The following LMO3 variants were observed in gnomAD, a reference collection of about 807,000 sequenced individuals.
LMO3 encodes the protein LIM domain only 3.
A neutral mutation model predicts 15.8 loss-of-function variants in LMO3; 2 were observed. The observed-to-expected ratio is 0.13, with a 90% CI of 0.05 to 0.40. LMO3 has a LOEUF of 0.40. LMO3 is among the 10% of genes least tolerant of loss of function. The probability of loss-of-function intolerance (pLI) is 0.99; values close to 1 mark genes in which losing one functional copy is unlikely to be tolerated. For synonymous variants in LMO3, 62 were observed against 63.8 expected (o/e 0.97, Z 0.13); for missense variants, 86 against 182.2 (o/e 0.47, Z 3.04).
chr12:16,589,949 G>T lies in LMO3; in HGVS notation c.206+10706C>A, dbSNP rs1340386933. Among the ~76,000 whole-genome samples, 2 of 151,980 alleles carry T rather than the reference G, an allele frequency of 1.3e-5. No individual in the cohort carries two copies. The highest frequency in any genetic ancestry group is 4.8e-5 in the African/African-American group (2 of 41,380). ...GGAAGTATGTGTTGGATTTTTTTGT[G>T]CATGAAGTATAAATGCCACCGTTTT... On this transcript the variant is annotated intron_variant, in intron 2 of 3. Transcript: ENST00000537304. The surrounding 1 kb of genome is among the most constrained non-coding windows in gnomAD (Gnocchi z 4.2).
chr12:16,551,278 G>A lies in LMO3; in HGVS notation c.382C>T (p.Gln128Ter), dbSNP rs1941981164. 6.2e-7 allele frequency: 1 copy of A among 1,612,918 alleles called. No individual in the cohort carries two copies. Among genetic ancestry groups the A allele is most frequent in the Admixed American group, 1.7e-5 (1 of 59,982 alleles). Reference sequence around the variant, plus strand: ...ATTAAACCTTCCTCGTAGTCCGTCTGGCAAAGGATCATGTTATTCTTTAGG... The same window carrying A: ...ATTAAACCTTCCTCGTAGTCCGTCTAGCAAAGGATCATGTTATTCTTTAGG... ...FFLKNNMILC[Q>*]TDYEEGLMKE... The change falls in exon 4 of 4, where the codon CAG becomes TAG. Residue 128 changes from glutamine (Q) to a stop codon, truncating the protein, a stop_gained. Coordinates refer to ENST00000537304, the MANE Select transcript of LMO3 (RefSeq NM_018640.5). LOFTEE classifies it high-confidence loss of function.
At chr12:16,608,826 T>A (rs1258673090), upstream of LMO3, 1 of 152,136 alleles carries the variant, frequency 6.6e-6, no homozygotes, top group Non-Finnish European at 1.5e-5. This position sits in a 1 kb window ranked among gnomAD's most constrained non-coding sequence, Gnocchi z 4.1. Context: ...AACATTCAGC[T>A]CCATGCCATT....
chr12:16,586,504 G>A lies in LMO3; in HGVS notation c.206+14151C>T, dbSNP rs560327102. ...TCTCACGCTAAGCATTATCTTCTAC[G>A]TCCACAGAAAAAAATCTGTTGTATA... On this transcript the variant is annotated intron_variant, in intron 2 of 3. Coordinates refer to ENST00000537304, the MANE Select transcript of LMO3 (RefSeq NM_018640.5). The surrounding 1 kb of genome is among the most constrained non-coding windows in gnomAD (Gnocchi z 4.3). Among the ~76,000 whole-genome samples the A allele has an allele frequency of 7.2e-5, 11 of 152,156 alleles. No individual in the cohort carries two copies. Among genetic ancestry groups the A allele is most frequent in the Admixed American group, 3.9e-4 (6 of 15,272 alleles).
intron 2 of LMO3, among the ~76,000 whole-genome samples, chr12:16,565,377 A>G (rs1196188504): frequency 6.6e-6 from 1 of 152,184 alleles, no homozygotes; most frequent in East Asian, 1.9e-4. Context: ...TTTTCAACTA[A>G]GGAAGGTAGT....
chr12:16,589,358 T>C lies in LMO3; in HGVS notation c.206+11297A>G, dbSNP rs1445522635. Among the ~76,000 whole-genome samples the C allele has an allele frequency of 1.3e-5, 2 of 152,146 alleles. No homozygotes were observed. The highest frequency in any genetic ancestry group is 3.9e-4 in the East Asian group (2 of 5,186). Reference sequence around the variant, plus strand: ...AACACATGATGAGACATTTAAAATATACTGTACATATTACTATGAGTGCAG... The same window carrying C: ...AACACATGATGAGACATTTAAAATACACTGTACATATTACTATGAGTGCAG... On this transcript the variant is annotated intron_variant, in intron 2 of 3. Transcript: ENST00000537304. The surrounding 1 kb of genome is among the most constrained non-coding windows in gnomAD (Gnocchi z 4.2).
intron 2 of LMO3, among the ~76,000 whole-genome samples, chr12:16,564,735 AAGATC>A (rs1296869305): frequency 3.9e-5 from 6 of 152,228 alleles, no homozygotes; most frequent in African/African-American, 1.4e-4. Flanking sequence ...ATTCTGAGTA[AAGATC>A]AGATCAGTAG....
In LMO3 at chr12:16,576,469, A is replaced by G. The variant is rs1942999151; in HGVS notation, c.207-15931T>C. ...TTTTTCATATTCAGATCAAATGTCA[A>G]TGGATCTATGAAGCCTCTCTGATTT... On this transcript the variant is annotated intron_variant, in intron 2 of 3. Coordinates refer to ENST00000537304, the MANE Select transcript of LMO3 (RefSeq NM_018640.5). This position sits in a 1 kb window ranked among gnomAD's most constrained non-coding sequence, Gnocchi z 4.1. Among the ~76,000 whole-genome samples, 1 of 152,184 alleles carries G rather than the reference A, an allele frequency of 6.6e-6. No homozygotes were observed. The highest frequency in any genetic ancestry group is 1.5e-5 in the Non-Finnish European group (1 of 68,038).
Position 16,591,658 on chromosome 12 carries a change from A to G in LMO3, c.206+8997T>C, listed in dbSNP as rs1168423160. On this transcript the variant is annotated intron_variant, in intron 2 of 3. Transcript: ENST00000537304. This position sits in a 1 kb window ranked among gnomAD's most constrained non-coding sequence, Gnocchi z 4.1. ...CAAGAGGTATCAATTGTACAAGGAA[A>G]GATAAGCATTTTGCAAGGGGTGTCA... 1.3e-5 allele frequency among the ~76,000 whole-genome samples: 2 copies of G among 152,072 alleles called. No homozygotes were observed. Among genetic ancestry groups the G allele is most frequent in the East Asian group, 3.9e-4 (2 of 5,186 alleles).
intron 2 of LMO3, among the ~76,000 whole-genome samples, chr12:16,572,215 T>C (rs1193908729): frequency 6.6e-6 from 1 of 151,942 alleles, no homozygotes; most frequent in Non-Finnish European, 1.5e-5. Flanking sequence ...ACTAAAGTTG[T>C]ACTTTTACGT....
intron 3 of LMO3, among the ~76,000 whole-genome samples, 176 bp from the exon 4 acceptor site, chr12:16,551,503 T>C (rs1056309639): frequency 6.6e-6 from 1 of 151,948 alleles, no homozygotes; most frequent in Non-Finnish European, 1.5e-5. Context: ...CTTCATTTAA[T>C]GAAATGTTGC....
chr12:16,609,832 AC>A (rs1374279142), upstream of LMO3: 4 of 151,730 alleles, frequency 2.6e-5, no homozygotes, highest in Non-Finnish European at 5.9e-5. Context: ...TTTAAAACAC[AC>A]CTCACAGATT....
At position 16,559,350 on chromosome 12, in the gene LMO3, G is replaced by C. The variant is rs1382876500; in HGVS notation, c.332+1063C>G. On this transcript the variant is annotated intron_variant, in intron 3 of 3. Coordinates refer to ENST00000537304, the MANE Select transcript of LMO3 (RefSeq NM_018640.5). This position sits in a 1 kb window ranked among gnomAD's most constrained non-coding sequence, Gnocchi z 4.1. ...ATATAACTTTCAATAAGAAAAAATG[G>C]AATTAAGTGATAATACTTTTCAGCT... Among the ~76,000 whole-genome samples, 1 of 152,086 alleles carries C rather than the reference G, an allele frequency of 6.6e-6. No homozygotes were observed. Among genetic ancestry groups the C allele is most frequent in the Non-Finnish European group, 1.5e-5 (1 of 68,026 alleles).
At chr12:16,575,283 A>T (rs532829701) in intron 2 of LMO3, among the ~76,000 whole-genome samples, 8 of 152,222 alleles carry the variant, frequency 5.3e-5, no homozygotes, top group Non-Finnish European at 1.2e-4. Context: ...CATAAGGTCA[A>T]TTTCCACACA....
rs983515174 is a variant in LMO3, at chr12:16,552,408, T to C, written c.333-1081A>G. Reference sequence around the variant, plus strand: ...CAGAAATCTTAGTGGATAGATTAAATTGTGTAGTGAAAGCCACCCTTTAAT... The same window carrying C: ...CAGAAATCTTAGTGGATAGATTAAACTGTGTAGTGAAAGCCACCCTTTAAT... On this transcript the variant is annotated intron_variant, in intron 3 of 3. Transcript: ENST00000537304. Among the ~76,000 whole-genome samples the C allele has an allele frequency of 3.9e-5, 6 of 152,128 alleles. No homozygotes were observed. In the East Asian group the frequency reaches 1.2e-3, roughly 29 times the overall value.
At position 16,598,402 on chromosome 12, in the gene LMO3, A is replaced by G. The variant is rs994613014; in HGVS notation, c.206+2253T>C. 4 of 152,148 alleles carry G rather than the reference A, an allele frequency of 2.6e-5. No homozygotes were observed. Among genetic ancestry groups the G allele is most frequent in the Non-Finnish European group, 5.9e-5 (4 of 67,990 alleles). 9.4% of individuals were successfully genotyped at this position (152,148 alleles called of 1,614,324 possible). ...AACAACTTAGTTTGAAATGTTAACA[A>G]CCGTTAGGCTGTTAACATAACAACT... On this transcript the variant is annotated intron_variant, in intron 2 of 3. Coordinates refer to ENST00000537304, the MANE Select transcript of LMO3 (RefSeq NM_018640.5). The surrounding 1 kb of genome is among the most constrained non-coding windows in gnomAD (Gnocchi z 4.3).
At position 16,604,661 on chromosome 12, in the gene LMO3, G is replaced by A. The variant is rs567994571; in HGVS notation, c.-9+1405C>T. ...GTGGTTGTGTCTTTGCAGCCACACA[G>A]GGATGGTTTGCAAAGAATGTAGCAG... On this transcript the variant is annotated intron_variant, in intron 1 of 3. Coordinates refer to ENST00000537304, the MANE Select transcript of LMO3 (RefSeq NM_018640.5). The surrounding 1 kb of genome is among the most constrained non-coding windows in gnomAD (Gnocchi z 5.3). The A allele has an allele frequency of 1.9e-3, 1,156 of 609,216 alleles. 2 individuals are homozygous for A. Among genetic ancestry groups the A allele is most frequent in the Non-Finnish European group, 2.7e-3 (935 of 347,870 alleles). 37.7% of individuals were successfully genotyped at this position (609,216 alleles called of 1,614,324 possible). A position where few individuals can be genotyped will look rare whatever the true frequency, so the allele number is the denominator to read the frequency against.
chr12:16,560,160 A>G lies in LMO3; in HGVS notation c.332+253T>C, dbSNP rs1009759227. On this transcript the variant is annotated intron_variant, in intron 3 of 3. Coordinates refer to ENST00000537304, the MANE Select transcript of LMO3 (RefSeq NM_018640.5). The surrounding 1 kb of genome is among the most constrained non-coding windows in gnomAD (Gnocchi z 5.0). ...AATAAAAGAAGGAATGAGTAAAAGA[A>G]GTCAGAGTTTACGGTAGTGTTTCCA... 2.6e-5 allele frequency among the ~76,000 whole-genome samples: 4 copies of G among 152,218 alleles called. No homozygotes were observed. The highest frequency in any genetic ancestry group is 9.6e-5 in the African/African-American group (4 of 41,454).
chr12:16,573,855 C>T (rs1454658556), intron 2 of LMO3: 1 of 152,204 alleles, frequency 6.6e-6, no homozygotes, highest in East Asian at 1.9e-4. Context: ...AGATTGACGT[C>T]GCCAAATCAC....
Position 16,599,937 on chromosome 12 carries a change from G to A in LMO3, c.206+718C>T, listed in dbSNP as rs1943768765. On this transcript the variant is annotated intron_variant, in intron 2 of 3. Coordinates refer to ENST00000537304, the MANE Select transcript of LMO3 (RefSeq NM_018640.5). The surrounding 1 kb of genome is among the most constrained non-coding windows in gnomAD (Gnocchi z 4.1). ...TATCCATAAAACTACTGGCAAGTCT[G>A]AGGCGGTTCAATTGCTTAGTTGTAT... 6.6e-6 allele frequency: 1 copy of A among 152,156 alleles called. No homozygotes were observed. The highest frequency in any genetic ancestry group is 1.9e-4 in the East Asian group (1 of 5,198). 9.4% of individuals were successfully genotyped at this position (152,156 alleles called of 1,614,324 possible). A position where few individuals can be genotyped will look rare whatever the true frequency, so the allele number is the denominator to read the frequency against.
Sources: gnomAD v4.1 joint callset for allele counts (sites outside exome capture counted in the v4.1 genomes callset) on GRCh38, gnomAD v4.1.1 for gene constraint, Gnocchi (gnomAD v3.1) non-coding constraint, MANE v1.5 for transcripts, NCBI Gene and HGNC (gene_info 2026-07-23, HGNC 2026-07-21) for gene names.